Variants in OMD observed in about 807,000 individuals in gnomAD.
OMD encodes KSPG osteomodulin.
OMD carries 19 observed loss-of-function variants against 31.2 expected under a neutral mutation model. The ratio of observed to expected loss-of-function variants is 0.61; its 90% confidence interval spans 0.42 to 0.89. The LOEUF (loss-of-function observed/expected upper bound fraction) is 0.89. Among genes scored for constraint, OMD ranks in the 40% least tolerant of loss-of-function variants. The pLI is 0.00. For missense variants in OMD, 448 were observed against 490.8 expected (o/e 0.91, Z 0.82); for synonymous variants, 155 against 166.4 (o/e 0.93, Z 0.53).
chr9:92,415,803 A>G (rs897559572), intron 2 of OMD, among the ~76,000 whole-genome samples: 8 of 147,410 alleles, frequency 5.4e-5, no homozygotes, highest in African/African-American at 1.5e-4. Context: ...TCTCTTTTAT[A>G]TATATACATA....
chr9:92,417,267 G>A lies in OMD; in HGVS notation c.292C>T (p.Leu98Phe). 1.2e-6 allele frequency: 2 copies of A among 1,614,100 alleles called. No homozygotes were observed. Among genetic ancestry groups the A allele is most frequent in the African/African-American group, 1.3e-5 (1 of 75,036 alleles). ...NIPMHIQQLY[L>F]QFNEIEAVTA... ...ACAGCCTCAATTTCATTGAACTGAA[G>A]GTAGAGTTGCTGAATGTGCATCGGA... The change falls in exon 2 of 3, where the codon CTT becomes TTT. Residue 98 changes from leucine (L) to phenylalanine (F), a missense_variant. Coordinates refer to ENST00000375550, the MANE Select transcript of OMD (RefSeq NM_005014.3).
At position 92,415,265 on chromosome 9, in the gene OMD, C is replaced by T. The variant is rs369559603; in HGVS notation, c.1153G>A (p.Asp385Asn). Residue 385 changes from aspartate (D) to asparagine (N), a missense_variant, in exon 3 of 3, where the codon GAT (aspartate) becomes AAT (asparagine). By Grantham distance (23) the Asp-to-Asn change is conservative. Coordinates refer to ENST00000375550, the MANE Select transcript of OMD (RefSeq NM_005014.3). ...LKTQVFRRFP[D>N]DDDESEDHDD... Reference sequence around the variant, plus strand: ...TGATCTTCACTTTCATCATCATCATCTGGAAATCTCCTGAAAACTTGTGTC... The same window carrying T: ...TGATCTTCACTTTCATCATCATCATTTGGAAATCTCCTGAAAACTTGTGTC... The T allele has an allele frequency of 5.6e-6, 9 of 1,613,640 alleles. No individual in the cohort carries two copies. Among genetic ancestry groups the T allele is most frequent in the Non-Finnish European group, 7.6e-6 (9 of 1,179,784 alleles).
At chr9:92,423,260 A>AAT (rs1477371480) in intron 1 of OMD, among the ~76,000 whole-genome samples, 10 of 151,996 alleles carry the variant, frequency 6.6e-5, no homozygotes, top group South Asian at 2.1e-4. Flanking sequence ...GGAGCAAAGT[A>AAT]ATATATATAT....
chr9:92,414,072 C>G lies in OMD; in HGVS notation c.*1080G>C. Among the ~76,000 whole-genome samples the G allele has an allele frequency of 6.6e-6, 1 of 152,090 alleles. No individual in the cohort carries two copies. Among genetic ancestry groups the G allele is most frequent in the East Asian group, 1.9e-4 (1 of 5,190 alleles). ...AGCATGGTATATCAAGAGAGTTCAT[C>G]ACAGCAGTTAGATAATCATCATTGT... is the stretch of plus-strand genomic sequence containing the variant. On this transcript the variant is annotated 3_prime_UTR_variant, in exon 3 of 3. Coordinates refer to ENST00000375550, the MANE Select transcript of OMD (RefSeq NM_005014.3).
At chr9:92,416,123 A>G (rs1451730836) in intron 2 of OMD, among the ~76,000 whole-genome samples, 1 of 145,714 alleles carries the variant, frequency 6.9e-6, no homozygotes, top group Non-Finnish European at 1.5e-5. Flanking sequence ...TTTTTAAGAC[A>G]GAGTTTTGCT....
intron 1 of OMD, among the ~76,000 whole-genome samples, chr9:92,422,410 C>T (rs559511655): frequency 6.6e-6 from 1 of 152,236 alleles, no homozygotes; most frequent in East Asian, 1.9e-4. Flanking sequence ...CATCAGTTAT[C>T]AACCTTACAT....
chr9:92,412,774 T>TA lies in OMD; in HGVS notation c.*2377dup, dbSNP rs1484318902. Among the ~76,000 whole-genome samples, 1 of 152,222 alleles carries TA rather than the reference T, an allele frequency of 6.6e-6. No individual in the cohort carries two copies. Among genetic ancestry groups the TA allele is most frequent in the Admixed American group, 6.5e-5 (1 of 15,282 alleles). ...CATTGATGGACATTTGCGTGGTTTCTACCTTTGGATATGGCTGAATAATAT... is the reference window on the plus strand; with the variant it reads ...CATTGATGGACATTTGCGTGGTTTCTAACCTTTGGATATGGCTGAATAATAT... On this transcript the variant is annotated 3_prime_UTR_variant, in exon 3 of 3. Transcript: ENST00000375550.
Position 92,413,378 on chromosome 9 carries a change from T to C in OMD, c.*1774A>G, listed in dbSNP as rs1411052328. On this transcript the variant is annotated 3_prime_UTR_variant, in exon 3 of 3. Coordinates refer to ENST00000375550, the MANE Select transcript of OMD (RefSeq NM_005014.3). ...TTCCAAAGGTGTATGAAGGCTCCAA[T>C]TTTTCCACATCTTGCCAACACTTGT... 6.6e-6 allele frequency among the ~76,000 whole-genome samples: 1 copy of C among 152,206 alleles called. No homozygotes were observed. The highest frequency in any genetic ancestry group is 1.5e-5 in the Non-Finnish European group (1 of 68,030).
chr9:92,424,059 AC>A (rs1382312680), intron 1 of OMD, 142 bp downstream of exon 1: 2 of 152,224 alleles, frequency 1.3e-5, no homozygotes, highest in Non-Finnish European at 2.9e-5. Flanking sequence ...GTTTAACATA[AC>A]TTTTTTACCA....
chr9:92,416,963 T>C lies in OMD; in HGVS notation c.596A>G (p.His199Arg). The C allele has an allele frequency of 6.2e-7, 1 of 1,613,982 alleles. No homozygotes were observed. Among genetic ancestry groups the C allele is most frequent in the Non-Finnish European group, 8.5e-7 (1 of 1,179,944 alleles). ...GATTTTGTCTTTTAGCAGAGAATCA[T>C]GAAGATAATTATAACAGAGATCAAG... ...TMLDLCYNYL[H>R]DSLLKDKIFA... Residue 199 changes from histidine to arginine, a missense_variant, in exon 2 of 3, where the codon CAT becomes CGT. By Grantham distance (29) the His-to-Arg change is conservative. Coordinates refer to ENST00000375550, the MANE Select transcript of OMD (RefSeq NM_005014.3).
In OMD at chr9:92,416,092, T is replaced by A. The variant is rs1398678093; in HGVS notation, c.940+527A>T. ...TATATTTATTTATTTATTTATTTAT[T>A]TATTTATTTTATTTTTTTTTTTTTT... On this transcript the variant is annotated intron_variant, in intron 2 of 2. Transcript: ENST00000375550. Among the ~76,000 whole-genome samples the A allele has an allele frequency of 3.1e-4, 42 of 136,980 alleles. 2 individuals are homozygous for A. The highest frequency in any genetic ancestry group is 8.8e-4 in the African/African-American group (34 of 38,812). 89.9% of individuals were successfully genotyped at this position (136,980 alleles called of 152,430 possible).
chr9:92,420,599 C>G (rs1359930541), intron 1 of OMD, among the ~76,000 whole-genome samples: 1 of 152,172 alleles, frequency 6.6e-6, no homozygotes, highest in Non-Finnish European at 1.5e-5. Context: ...TCTGAAGCCT[C>G]TAATACCTTA....
At chr9:92,417,744 G>T (rs1446438994) in intron 1 of OMD, among the ~76,000 whole-genome samples, 170 bp from the exon 2 acceptor site, 3 of 151,968 alleles carry the variant, frequency 2.0e-5, no homozygotes, top group African/African-American at 7.3e-5. Flanking sequence ...TTTTGTGACA[G>T]TGTCTCCTCT....
At chr9:92,418,613 C>T (rs910940692) in intron 1 of OMD, among the ~76,000 whole-genome samples, 1 of 152,098 alleles carries the variant, frequency 6.6e-6, no homozygotes, top group Non-Finnish European at 1.5e-5. Context: ...ATGGTCACTG[C>T]CTGGGGGAGG....
intron 1 of OMD, among the ~76,000 whole-genome samples, chr9:92,422,631 C>T (rs1475961192): frequency 6.6e-6 from 1 of 152,140 alleles, no homozygotes; most frequent in Non-Finnish European, 1.5e-5. Flanking sequence ...CATCCTTGTC[C>T]TCCTCCCTCC....
At chr9:92,420,341 G>A (rs1183732828) in intron 1 of OMD, among the ~76,000 whole-genome samples, 1 of 152,000 alleles carries the variant, frequency 6.6e-6, no homozygotes, top group Non-Finnish European at 1.5e-5. Context: ...GATCACTATC[G>A]TTGCTCTTTT....
rs527518187 is a variant in OMD, at chr9:92,419,185, C to A, written c.-16-1611G>T. On this transcript the variant is annotated intron_variant, in intron 1 of 2. Coordinates refer to ENST00000375550, the MANE Select transcript of OMD (RefSeq NM_005014.3). ...ATGTCCCAGATGAGAAGCCTGAAAC[C>A]TATATTTCATTTCTGTCACTTAACA... Among the ~76,000 whole-genome samples the A allele has an allele frequency of 7.2e-5, 11 of 152,020 alleles. No individual in the cohort carries two copies. In the South Asian group the frequency reaches 2.1e-3, roughly 29 times the overall value.
intron 1 of OMD, among the ~76,000 whole-genome samples, chr9:92,420,395 C>T (rs1206361007): frequency 6.6e-6 from 1 of 152,186 alleles, no homozygotes; most frequent in African/African-American, 2.4e-5. Flanking sequence ...TGCCAAACTC[C>T]AACTCTGGTT....
rs142056236 is a variant in OMD, at chr9:92,415,345, T to A, written c.1073A>T (p.His358Leu). The A allele has an allele frequency of 3.1e-6, 5 of 1,613,574 alleles. No individual in the cohort carries two copies. Among genetic ancestry groups the A allele is most frequent in the Non-Finnish European group, 4.2e-6 (5 of 1,179,700 alleles). ...TCGTTGTTCACCATAATAAATAGTGTGTATATGAGGGAAGCAGAAGAAGAT... is the reference window on the plus strand; with the variant it reads ...TCGTTGTTCACCATAATAAATAGTGAGTATATGAGGGAAGCAGAAGAAGAT... ...SYIFFCFPHI[H>L]TIYYGEQRST... Residue 358 changes from histidine to leucine, a missense_variant, in exon 3 of 3, where the codon CAC (histidine) becomes CTC (leucine). His to Leu is a moderately conservative substitution (Grantham distance 99, BLOSUM62 -3). Transcript: ENST00000375550.
Sources: gnomAD v4.1 joint callset for allele counts (sites outside exome capture counted in the v4.1 genomes callset) on GRCh38, gnomAD v4.1.1 for gene constraint, MANE v1.5 for transcripts, NCBI Gene and HGNC (gene_info 2026-07-23, HGNC 2026-07-21) for gene names.